Variants in SYNE2 observed in about 807,000 individuals in gnomAD.
The protein encoded by SYNE2 is spectrin repeat containing nuclear envelope protein 2.
SYNE2 carries 431 observed loss-of-function variants against 856.3 expected under a neutral mutation model. The observed-to-expected ratio is 0.50, with a 90% confidence interval of 0.47 to 0.55. The LOEUF is 0.55. Ranked by LOEUF, SYNE2 falls within the 20% of genes least tolerant of loss-of-function variation. The probability of loss-of-function intolerance (pLI) is 0.00; values close to 1 mark genes in which losing one functional copy is unlikely to be tolerated. For missense variants in SYNE2, 8,129 were observed against 8,023.2 expected (o/e 1.01, Z -0.50); for synonymous variants, 2,923 against 2,872.3 (o/e 1.02, Z -0.56).
intron 84 of SYNE2, 71 bp from the exon 85 acceptor site, chr14:64,152,490 ACTC>A (rs1320358789): frequency 2.7e-6 from 4 of 1,467,528 alleles, no homozygotes; most frequent in Admixed American, 1.8e-5. Flanking sequence ...AAAAGAGTGA[ACTC>A]CTGTCTCTGA....
At chr14:64,167,758 C>A in intron 92 of SYNE2, 119 bp downstream of exon 92, 1 of 1,368,640 alleles carries the variant, frequency 7.3e-7, no homozygotes, top group Non-Finnish European at 1.0e-6. Flanking sequence ...GAATGTATAC[C>A]TTTAAGCAAA....
Position 64,093,330 on chromosome 14 carries a change from TG to T in SYNE2, c.11977-18del. The T allele has an allele frequency of 1.2e-6, 2 of 1,613,354 alleles. No individual in the cohort carries two copies. Among genetic ancestry groups the T allele is most frequent in the Non-Finnish European group, 1.7e-6 (2 of 1,179,548 alleles). ...TTAGATTATGACAAAGATTCTTTTT[TG>T]TGGGGGTTATTTTATAGGTAGTCAT... is the stretch of plus-strand genomic sequence containing the variant. On this transcript the variant is annotated intron_variant, in intron 60 of 115. Transcript: ENST00000555002.
chr14:63,988,834 T>A (rs1457304662), intron 19 of SYNE2, among the ~76,000 whole-genome samples: 1 of 152,194 alleles, frequency 6.6e-6, no homozygotes, highest in African/African-American at 2.4e-5. Flanking sequence ...TATTCACTAT[T>A]TTGAGAACAG....
intron 60 of SYNE2, 121 bp from the exon 61 acceptor site, chr14:64,093,228 T>G: frequency 2.6e-6 from 3 of 1,138,432 alleles, no homozygotes; most frequent in Non-Finnish European, 3.9e-6. Context: ...CCTATTGAAA[T>G]CTCAATGGGT....
intron 45 of SYNE2, among the ~76,000 whole-genome samples, chr14:64,038,541 G>A (rs1289336623): frequency 6.6e-6 from 1 of 152,246 alleles, no homozygotes; most frequent in African/African-American, 2.4e-5. Context: ...CTGCACTCCA[G>A]CCTGGGCACC....
At chr14:63,804,520 T>C (rs1007654411) in intron 1 of SYNE2, among the ~76,000 whole-genome samples, 2 of 152,116 alleles carry the variant, frequency 1.3e-5, no homozygotes, top group South Asian at 2.1e-4. Flanking sequence ...TGAGTTGAAG[T>C]TTCGCTCTTG....
At chr14:64,167,881 C>A (rs897442201) in intron 92 of SYNE2, among the ~76,000 whole-genome samples, 1 of 152,190 alleles carries the variant, frequency 6.6e-6, no homozygotes, top group African/African-American at 2.4e-5. Context: ...TACATGGAAG[C>A]TTCTAGTACA....
At chr14:64,017,346 A>AAAAAAAAG (rs1567062236) in intron 33 of SYNE2, among the ~76,000 whole-genome samples, 1 of 151,350 alleles carries the variant, frequency 6.6e-6, no homozygotes, top group Non-Finnish European at 1.5e-5. Flanking sequence ...AAAAAAAAAA[A>AAAAAAAAG]AAAAAAAGAA....
intron 11 of SYNE2, among the ~76,000 whole-genome samples, chr14:63,973,025 C>A (rs2096491969): frequency 6.6e-6 from 1 of 152,046 alleles, no homozygotes. Flanking sequence ...GAGGCTGAGG[C>A]AGGCAGATCA....
intron 49 of SYNE2, among the ~76,000 whole-genome samples, chr14:64,061,891 C>G (rs1383952623): frequency 6.6e-6 from 1 of 152,192 alleles, no homozygotes; most frequent in African/African-American, 2.4e-5. Flanking sequence ...CAAGTGCCCT[C>G]AAGGCAAAAA....
intron 11 of SYNE2, among the ~76,000 whole-genome samples, chr14:63,974,888 G>A (rs1382214928): frequency 0.073 from 1,801 of 24,672 alleles, 20 homozygotes; most frequent in Middle Eastern, 0.14. Context: ...GTGTGTGTGT[G>A]TGTGTATATA....
Position 64,090,997 on chromosome 14 carries a change from A to G in SYNE2, c.11925A>G (p.Gln3975=), listed in dbSNP as rs1416258381. 9.3e-6 allele frequency: 15 copies of G among 1,614,182 alleles called. No individual in the cohort carries two copies. The change falls in exon 60 of 116, where the codon CAA becomes CAG. Residue 3975 remains glutamine (Q), a synonymous_variant. Coordinates refer to ENST00000555002, the MANE Select transcript of SYNE2 (RefSeq NM_182914.3). ...PVFQRTNQLL[Q]DIKLLENVTQ... The stretch of plus-strand genomic sequence containing the variant: ...TTCAGCGGACAAATCAGCTTTTACA[A>G]GATATAAAACTATTGGAAAATGTGA...
intron 50 of SYNE2, among the ~76,000 whole-genome samples, chr14:64,063,959 T>G (rs892145417): frequency 2.0e-5 from 3 of 152,202 alleles, no homozygotes; most frequent in Non-Finnish European, 4.4e-5. Context: ...TAAATTAAAG[T>G]GCAGTCAGAG....
At chr14:63,996,020 C>G (rs2096711631) in intron 23 of SYNE2, among the ~76,000 whole-genome samples, 1 of 152,286 alleles carries the variant, frequency 6.6e-6, no homozygotes, top group East Asian at 1.9e-4. Flanking sequence ...GTCCTTTCAC[C>G]TGAATTCTAT....
At chr14:63,786,394 C>T (rs1887529422) in intron 1 of SYNE2, among the ~76,000 whole-genome samples, 3 of 152,274 alleles carry the variant, frequency 2.0e-5, no homozygotes, top group African/African-American at 2.4e-5. Context: ...GGTGATAGAG[C>T]GAGATTGTCT....
chr14:64,173,514 G>C (rs1170988690), intron 94 of SYNE2, among the ~76,000 whole-genome samples: 2 of 152,118 alleles, frequency 1.3e-5, no homozygotes, highest in Non-Finnish European at 2.9e-5. Flanking sequence ...ATGCTCTGTT[G>C]ATGTTTATCA....
Position 64,212,819 on chromosome 14 carries a change from A to G in SYNE2, c.18870A>G (p.Gln6290=), listed in dbSNP as rs2098648279. The G allele has an allele frequency of 6.2e-7, 1 of 1,614,124 alleles. No homozygotes were observed. Among genetic ancestry groups the G allele is most frequent in the Non-Finnish European group, 8.5e-7 (1 of 1,180,044 alleles). The part of the protein sequence containing the change: ...DDKMRQLNGF[Q]QEITLNTNKI... Reference sequence around the variant, plus strand: ...TTCTCCTCTCTCAACAGGGCTTCCAACAGGAAATTACATTAAATACCAACA... The same window carrying G: ...TTCTCCTCTCTCAACAGGGCTTCCAGCAGGAAATTACATTAAATACCAACA... The change falls in exon 105 of 116, where the codon CAA becomes CAG. Residue 6290 remains glutamine, a synonymous_variant. Transcript: ENST00000555002.
Position 64,214,290 on chromosome 14 carries a change from G to A in SYNE2, c.19153G>A (p.Glu6385Lys), listed in dbSNP as rs374948516. 5.0e-5 allele frequency: 80 copies of A among 1,613,994 alleles called. No individual in the cohort carries two copies. Among genetic ancestry groups the A allele is most frequent in the East Asian group, 1.1e-4 (5 of 44,898 alleles). Residue 6385 changes from glutamate to lysine, a missense_variant, in exon 106 of 116, where the codon GAG (glutamate) becomes AAG (lysine). By Grantham distance (56) the Glu-to-Lys change is moderately conservative. Coordinates refer to ENST00000555002, the MANE Select transcript of SYNE2 (RefSeq NM_182914.3). The stretch of plus-strand genomic sequence containing the variant: ...TTCTTGGCGTAAACGGGGAGAGAGC[G>A]AGGAACCGTCATCTCCTCAGTCCCT... ...TDSWRKRGES[E>K]EPSSPQSLCH...
chr14:64,132,882 A>G (rs151307943), intron 77 of SYNE2, among the ~76,000 whole-genome samples: 27 of 152,262 alleles, frequency 1.8e-4, no homozygotes, highest in African/African-American at 5.3e-4. Context: ...CACCTTTCAT[A>G]GCCAATGTTA....
Sources: allele counts gnomAD v4.1 joint callset (sites outside exome capture counted in the v4.1 genomes callset), GRCh38; gene constraint gnomAD v4.1.1; transcripts MANE v1.5; gene names NCBI Gene and HGNC (gene_info 2026-07-23, HGNC 2026-07-21).